MGAT5: variants seen among roughly 807,000 people sequenced by gnomAD.
MGAT5 encodes alpha-1,6-mannosylglycoprotein 6-beta-N-acetylglucosaminyltransferase.
MGAT5 carries 30 observed loss-of-function variants against 94.3 expected under a neutral mutation model. The ratio of observed to expected loss-of-function variants is 0.32; its 90% CI spans 0.24 to 0.43. The LOEUF is 0.43. Among genes scored for constraint, MGAT5 ranks in the 20% least tolerant of loss-of-function variants. MGAT5 has a pLI of 1.00. For synonymous variants in MGAT5, 310 were observed against 322.9 expected (o/e 0.96, Z 0.43); for missense variants, 691 against 905.5 (o/e 0.76, Z 3.04).
At chr2:134,332,540 T>G (rs1324885183) in intron 4 of MGAT5, among the ~76,000 whole-genome samples, 1 of 152,210 alleles carries the variant, frequency 6.6e-6, no homozygotes, top group Non-Finnish European at 1.5e-5. Flanking sequence ...AAGGACTTCA[T>G]GTCTAAAATA....
At chr2:134,381,221 A>AG (rs983612516) in intron 10 of MGAT5, among the ~76,000 whole-genome samples, 4 of 152,106 alleles carry the variant, frequency 2.6e-5, no homozygotes, top group Non-Finnish European at 5.9e-5. Flanking sequence ...AGATGAGGTA[A>AG]GAGGATTGCT....
intron 14 of MGAT5, among the ~76,000 whole-genome samples, chr2:134,430,803 T>A (rs1484273014): frequency 6.6e-6 from 1 of 152,030 alleles, no homozygotes; most frequent in Non-Finnish European, 1.5e-5. Flanking sequence ...GGCTGTGTGG[T>A]CAGTTGGGGA....
At chr2:134,156,958 G>A (rs1483188972) in intron 1 of MGAT5, among the ~76,000 whole-genome samples, 2 of 152,142 alleles carry the variant, frequency 1.3e-5, no homozygotes, top group Non-Finnish European at 2.9e-5. Context: ...TATAAATTGG[G>A]AATGATGATA....
intron 1 of MGAT5, among the ~76,000 whole-genome samples, chr2:134,201,901 G>T (rs1042702057): frequency 6.8e-6 from 1 of 147,778 alleles, no homozygotes; most frequent in Non-Finnish European, 1.5e-5. Flanking sequence ...GGCTTGAAAG[G>T]CTCCATGCTA....
chr2:134,129,167 C>G (rs750465298), intron 1 of MGAT5, among the ~76,000 whole-genome samples: 136 of 152,188 alleles, frequency 8.9e-4, no homozygotes, highest in Non-Finnish European at 1.5e-3. Flanking sequence ...AAGGGAGAAT[C>G]GGTCTCCTTG....
chr2:134,433,156 G>A (rs903461570), intron 14 of MGAT5, among the ~76,000 whole-genome samples: 3 of 152,166 alleles, frequency 2.0e-5, no homozygotes, highest in African/African-American at 7.2e-5. Flanking sequence ...GCCTTTTCTG[G>A]AGATTTCTGG....
intron 14 of MGAT5, among the ~76,000 whole-genome samples, chr2:134,431,047 GCACAGACTGAAGGCTGGA>G (rs1211864507): frequency 1.3e-5 from 2 of 152,182 alleles, no homozygotes; most frequent in Non-Finnish European, 2.9e-5. Flanking sequence ...CAAACTGGTA[GCACAGACTGAAGGCTGGA>G]CAAGTCCAGA....
At position 134,413,050 on chromosome 2, in the gene MGAT5, A is replaced by G. The variant is rs757836779; in HGVS notation, c.1677+35A>G. Reference sequence around the variant, plus strand: ...TATCAAAATTATTCCATTTTGAATAATATGAATAATAGCTATTTATTGAGT... The same window carrying G: ...TATCAAAATTATTCCATTTTGAATAGTATGAATAATAGCTATTTATTGAGT... On this transcript the variant is annotated intron_variant, in intron 12 of 15. Coordinates refer to ENST00000281923, the MANE Select transcript of MGAT5 (RefSeq NM_002410.5). 15 of 1,608,628 alleles carry G rather than the reference A, an allele frequency of 9.3e-6. No homozygotes were observed. The African/African-American group carries it at 1.9e-4, about 20-fold the overall frequency.
chr2:134,441,423 TG>T (rs1685480353), intron 14 of MGAT5, among the ~76,000 whole-genome samples: 1 of 152,146 alleles, frequency 6.6e-6, no homozygotes, highest in Non-Finnish European at 1.5e-5. Context: ...GCTGCATAAG[TG>T]TTGATGGTGA....
intron 12 of MGAT5, among the ~76,000 whole-genome samples, chr2:134,419,441 T>TG (rs1684160293): frequency 1.5e-4 from 20 of 137,420 alleles, no homozygotes; most frequent in South Asian, 2.6e-4. Flanking sequence ...GGCTTCAGGG[T>TG]TTGTGTGTGT....
intron 1 of MGAT5, among the ~76,000 whole-genome samples, chr2:134,154,109 T>G (rs1687362302): frequency 1.3e-5 from 2 of 152,254 alleles, no homozygotes; most frequent in Non-Finnish European, 2.9e-5. Context: ...CACCAGGTGT[T>G]ATTAATAGTT....
At chr2:134,322,577 G>A (rs1312149259) in intron 4 of MGAT5, among the ~76,000 whole-genome samples, 1 of 152,176 alleles carries the variant, frequency 6.6e-6, no homozygotes, top group Non-Finnish European at 1.5e-5. Flanking sequence ...TATGGACCCA[G>A]TGCACCCTAC....
chr2:134,286,640 G>A (rs1244587360), intron 2 of MGAT5, among the ~76,000 whole-genome samples: 1 of 151,966 alleles, frequency 6.6e-6, no homozygotes, highest in East Asian at 1.9e-4. Flanking sequence ...GGCTAGTCTT[G>A]AACTCCTGAC....
At chr2:134,226,968 A>AT (rs33946190) in intron 1 of MGAT5, among the ~76,000 whole-genome samples, 7,019 of 143,060 alleles carry the variant, frequency 0.049, 175 homozygotes, top group Non-Finnish European at 0.069. Context: ...AGATAGTCCT[A>AT]TTTTTTTTTT....
rs570770102 is a variant in MGAT5 at position 134,191,804 on chromosome 2, G to A, written c.-142-62458G>A. 2.7e-3 allele frequency among the ~76,000 whole-genome samples: 400 copies of A among 147,526 alleles called. 1 individual carries two copies. Among genetic ancestry groups the A allele is most frequent in the African/African-American group, 9.5e-3 (376 of 39,590 alleles). ...GTGGTTTCGTGCCCTCCTCCTCCTC[G>A]CGCGAGCGGGTTCCTGATGGGTGGG... On this transcript the variant is annotated intron_variant, in intron 1 of 16. Transcript: ENST00000409645.
At chr2:134,248,847 C>A (rs1682428742) in intron 1 of MGAT5, among the ~76,000 whole-genome samples, 1 of 152,010 alleles carries the variant, frequency 6.6e-6, no homozygotes, top group Admixed American at 6.5e-5. Flanking sequence ...AATAGGGCCT[C>A]CAGGGATGTT....
intron 1 of MGAT5, among the ~76,000 whole-genome samples, chr2:134,149,908 A>G (rs990005921): frequency 2.0e-5 from 3 of 152,222 alleles, no homozygotes; most frequent in African/African-American, 7.2e-5. Flanking sequence ...GCTATAGTCA[A>G]GGAAGAAGGT....
chr2:134,237,787 G>C (rs1221596034), intron 1 of MGAT5, among the ~76,000 whole-genome samples: 1 of 144,912 alleles, frequency 6.9e-6, no homozygotes, highest in East Asian at 2.0e-4. Flanking sequence ...GTCTTGCTCT[G>C]TCACTCAGGT....
chr2:134,448,535 G>A, intron 15 of MGAT5, 114 bp from the exon 16 acceptor site: 1 of 951,088 alleles, frequency 1.1e-6, no homozygotes. Flanking sequence ...TCTAAAGTAG[G>A]ACAAGACAAC....
Sources: gnomAD v4.1 joint callset for allele counts (sites outside exome capture counted in the v4.1 genomes callset) on GRCh38, gnomAD v4.1.1 for gene constraint, MANE v1.5 for transcripts, NCBI Gene and HGNC (gene_info 2026-07-23, HGNC 2026-07-21) for gene names.